The following MACROD2 variants were observed in gnomAD, a reference collection of about 807,000 sequenced individuals.
The protein encoded by MACROD2 is mono-ADP ribosylhydrolase 2, also known as ADP-ribose glycohydrolase MACROD2.
Under a neutral mutation model 70.4 loss-of-function variants are expected in MACROD2, and 36 were observed. The ratio of observed to expected loss-of-function variants is 0.51; its 90% CI spans 0.39 to 0.68. The LOEUF is 0.68. MACROD2 is among the 30% of genes least tolerant of loss of function. The probability of loss-of-function intolerance (pLI) is 0.00; values close to 1 mark genes in which losing one functional copy is unlikely to be tolerated. For missense variants in MACROD2, 496 were observed against 538.4 expected, an observed-to-expected ratio of 0.92 and a Z score of 0.78; for synonymous variants, 172 against 178.8, an observed-to-expected ratio of 0.96 and a Z score of 0.30.
At chr20:15,805,724 C>T (rs925147306) in intron 8 of MACROD2, among the ~76,000 whole-genome samples, 1 of 152,168 alleles carries the variant, frequency 6.6e-6, no homozygotes, top group African/African-American at 2.4e-5. Context: ...GATCTGCCCA[C>T]CTCGGCCTCC....
chr20:14,786,902 A>G (rs972813325), intron 5 of MACROD2, among the ~76,000 whole-genome samples: 5 of 152,110 alleles, frequency 3.3e-5, no homozygotes, highest in African/African-American at 1.2e-4. Context: ...TGGCAGTATA[A>G]CAGCTAAGAT....
intron 5 of MACROD2, among the ~76,000 whole-genome samples, chr20:14,918,704 C>T (rs1412601677): frequency 6.8e-6 from 1 of 147,426 alleles, no homozygotes; most frequent in African/African-American, 2.5e-5. Flanking sequence ...CCCACACTTA[C>T]GCATTTCTGA....
intron 5 of MACROD2, among the ~76,000 whole-genome samples, chr20:15,181,039 A>G (rs1030233515): frequency 6.6e-6 from 1 of 152,284 alleles, no homozygotes; most frequent in Non-Finnish European, 1.5e-5. Flanking sequence ...GCTGTTTTTC[A>G]TTACAGTTGT....
intron 8 of MACROD2, among the ~76,000 whole-genome samples, chr20:15,839,049 A>G (rs758750809): frequency 3.2e-4 from 48 of 152,040 alleles, no homozygotes; most frequent in Admixed American, 6.6e-5. Context: ...ATTTCCTGTT[A>G]TGTTTATTGG....
At chr20:14,835,504 C>T (rs1447049336) in intron 5 of MACROD2, among the ~76,000 whole-genome samples, 1 of 151,938 alleles carries the variant, frequency 6.6e-6, no homozygotes, top group Non-Finnish European at 1.5e-5. Flanking sequence ...GACATTCAGT[C>T]CTTGGTCTAC....
At chr20:14,385,663 T>G (rs549977577) in intron 3 of MACROD2, among the ~76,000 whole-genome samples, 10 of 152,340 alleles carry the variant, frequency 6.6e-5, no homozygotes, top group African/African-American at 1.9e-4. Flanking sequence ...AATTTTTAAG[T>G]GCATGTGTTT....
chr20:14,777,465 C>T (rs1040740), intron 5 of MACROD2, among the ~76,000 whole-genome samples: 138,574 of 151,988 alleles, frequency 0.91, 63,619 homozygotes, highest in African/African-American at 0.98. Flanking sequence ...AACCATGTAC[C>T]TCTGCTGCTG....
At chr20:14,551,642 C>T (rs767567569) in intron 4 of MACROD2, among the ~76,000 whole-genome samples, 1 of 152,158 alleles carries the variant, frequency 6.6e-6, no homozygotes, top group Non-Finnish European at 1.5e-5. Flanking sequence ...GAAAACTTCC[C>T]TGCACAACTT....
At chr20:14,350,308 G>C (rs2083110664) in intron 3 of MACROD2, among the ~76,000 whole-genome samples, 1 of 152,060 alleles carries the variant, frequency 6.6e-6, no homozygotes, top group Non-Finnish European at 1.5e-5. Context: ...CCTCAAAACT[G>C]TTCTCCGTAG....
intron 5 of MACROD2, among the ~76,000 whole-genome samples, chr20:15,146,164 A>G (rs538518342): frequency 3.9e-5 from 6 of 152,256 alleles, no homozygotes; most frequent in East Asian, 3.9e-4. Flanking sequence ...CTTCTATATA[A>G]GTATTTTCTG....
At chr20:16,012,670 T>G (rs768644771) in intron 15 of MACROD2, among the ~76,000 whole-genome samples, 17 of 152,216 alleles carry the variant, frequency 1.1e-4, no homozygotes, top group Non-Finnish European at 2.4e-4. Flanking sequence ...TGATTACAGT[T>G]TTTATCATAC....
intron 3 of MACROD2, among the ~76,000 whole-genome samples, chr20:14,274,401 A>T (rs1357764380): frequency 6.6e-6 from 1 of 152,200 alleles, no homozygotes; most frequent in Non-Finnish European, 1.5e-5. Context: ...AAACCACATG[A>T]TTATCTCAAT....
At chr20:15,257,110 A>G (rs1225847157) in intron 6 of MACROD2, among the ~76,000 whole-genome samples, 2 of 152,018 alleles carry the variant, frequency 1.3e-5, no homozygotes, top group African/African-American at 4.8e-5. Flanking sequence ...CGGTGTGGAT[A>G]TTAATATATA....
chr20:15,793,502 G>A (rs2147059837), intron 8 of MACROD2, among the ~76,000 whole-genome samples: 1 of 152,106 alleles, frequency 6.6e-6, no homozygotes, highest in Non-Finnish European at 1.5e-5. Context: ...AATCTGAATT[G>A]TAAGATTCTG....
intron 3 of MACROD2, among the ~76,000 whole-genome samples, chr20:14,468,465 T>G (rs1202422170): frequency 6.6e-6 from 1 of 150,698 alleles, no homozygotes; most frequent in Non-Finnish European, 1.5e-5. Flanking sequence ...TTCCATTTTT[T>G]TGGGAAATCT....
intron 6 of MACROD2, among the ~76,000 whole-genome samples, chr20:15,311,953 A>G (rs1436506300): frequency 6.6e-6 from 1 of 152,206 alleles, no homozygotes; most frequent in Non-Finnish European, 1.5e-5. Flanking sequence ...AAACAAAACC[A>G]AAGTGAAATT....
At chr20:14,585,191 G>A (rs1053932133) in intron 4 of MACROD2, among the ~76,000 whole-genome samples, 2 of 152,176 alleles carry the variant, frequency 1.3e-5, no homozygotes, top group African/African-American at 2.4e-5. Context: ...TACATAGGCG[G>A]AACAGCGTAA....
At chr20:15,825,138 T>TA (rs1314139343) in intron 8 of MACROD2, among the ~76,000 whole-genome samples, 3 of 152,196 alleles carry the variant, frequency 2.0e-5, no homozygotes, top group Non-Finnish European at 4.4e-5. Flanking sequence ...TTTGAGAGAT[T>TA]AAAAATGTCT....
At chr20:15,553,850 C>T (rs892255059) in intron 8 of MACROD2, among the ~76,000 whole-genome samples, 2 of 152,168 alleles carry the variant, frequency 1.3e-5, no homozygotes, top group African/African-American at 4.8e-5. Flanking sequence ...GAGGCACGGA[C>T]AAGAATCAGG....
Sources: allele counts gnomAD v4.1 joint callset (sites outside exome capture counted in the v4.1 genomes callset), GRCh38; gene constraint gnomAD v4.1.1; transcripts MANE v1.5; gene names NCBI Gene and HGNC (gene_info 2026-07-23, HGNC 2026-07-21).